Variants in PPP1R9A observed in about 807,000 individuals in gnomAD.
The protein encoded by PPP1R9A is neurabin-1.
PPP1R9A carries 59 observed loss-of-function variants against 141.9 expected under a neutral mutation model. The ratio of observed to expected loss-of-function variants is 0.42; its 90% CI spans 0.34 to 0.52. The LOEUF is 0.52. Ranked by LOEUF, PPP1R9A falls within the 20% of genes least tolerant of loss-of-function variation. The pLI, the probability that PPP1R9A is intolerant of heterozygous loss-of-function variation, is 0.10. For missense variants in PPP1R9A, 1,444 were observed against 1,611.9 expected, an observed-to-expected ratio of 0.90 and a Z score of 1.78; for synonymous variants, 500 against 569.7, an observed-to-expected ratio of 0.88 and a Z score of 1.74.
chr7:94,935,579 C>A (rs1309263845), intron 2 of PPP1R9A, among the ~76,000 whole-genome samples: 2 of 152,176 alleles, frequency 1.3e-5, no homozygotes, highest in African/African-American at 4.8e-5. Context: ...GCTTCTGGAA[C>A]ACAGTTGGAT....
At chr7:95,254,594 G>A (rs1008769278) in intron 12 of PPP1R9A, among the ~76,000 whole-genome samples, 2 of 152,174 alleles carry the variant, frequency 1.3e-5, no homozygotes, top group African/African-American at 4.8e-5. Context: ...AGGCACTGGA[G>A]TGGTAGGATG....
chr7:95,259,704 G>A (rs1800138334), intron 12 of PPP1R9A, among the ~76,000 whole-genome samples: 1 of 151,990 alleles, frequency 6.6e-6, no homozygotes, highest in Admixed American at 6.6e-5. Flanking sequence ...TTTAAAATAA[G>A]GTTAAAGGCA....
At chr7:95,068,057 AAAAC>A (rs1311662868) in intron 2 of PPP1R9A, among the ~76,000 whole-genome samples, 2 of 152,214 alleles carry the variant, frequency 1.3e-5, no homozygotes, top group South Asian at 2.1e-4. Context: ...TAAAGGAACA[AAAAC>A]AAACAACCAA....
At chr7:95,207,754 AATAAT>A (rs1791155498) in intron 7 of PPP1R9A, among the ~76,000 whole-genome samples, 1 of 152,184 alleles carries the variant, frequency 6.6e-6, no homozygotes, top group Admixed American at 6.5e-5. Context: ...AGTTATTAGA[AATAAT>A]ATAAAGTTAT....
chr7:95,157,389 C>T (rs1026396149), intron 4 of PPP1R9A, among the ~76,000 whole-genome samples: 1 of 152,172 alleles, frequency 6.6e-6, no homozygotes, highest in Non-Finnish European at 1.5e-5. Flanking sequence ...AGCTCGGGCA[C>T]CTGCAGCCCT....
intron 5 of PPP1R9A, among the ~76,000 whole-genome samples, chr7:95,173,589 AAAAC>A (rs1449945033): frequency 6.6e-6 from 1 of 152,094 alleles, no homozygotes; most frequent in East Asian, 1.9e-4. Context: ...AGAAAATGGA[AAAAC>A]AAGCCACAGA....
chr7:95,043,194 C>T (rs1809508776), intron 2 of PPP1R9A, among the ~76,000 whole-genome samples: 1 of 152,038 alleles, frequency 6.6e-6, no homozygotes, highest in African/African-American at 2.4e-5. Flanking sequence ...ACTTAAATTC[C>T]CCTTGAGTTT....
At chr7:95,072,459 A>C (rs1412675865) in intron 2 of PPP1R9A, among the ~76,000 whole-genome samples, 1 of 143,682 alleles carries the variant, frequency 7.0e-6, no homozygotes, top group African/African-American at 2.5e-5. Flanking sequence ...TTGTGACTAT[A>C]CACTAAAGAT....
At chr7:95,216,745 C>G (rs1307777962) in intron 7 of PPP1R9A, among the ~76,000 whole-genome samples, 18 of 152,124 alleles carry the variant, frequency 1.2e-4, no homozygotes, top group Admixed American at 1.2e-3. Flanking sequence ...AAAGGGAGTT[C>G]ACTCATGATT....
At chr7:95,133,184 T>C (rs1824970057) in intron 4 of PPP1R9A, among the ~76,000 whole-genome samples, 2 of 152,022 alleles carry the variant, frequency 1.3e-5, no homozygotes, top group Admixed American at 1.3e-4. Flanking sequence ...TGCTGATTGG[T>C]CCATGGGCCT....
chr7:95,224,843 G>C (rs762390649), intron 7 of PPP1R9A, among the ~76,000 whole-genome samples: 36 of 152,082 alleles, frequency 2.4e-4, no homozygotes, highest in Non-Finnish European at 5.1e-4. Context: ...ACCGTTCATG[G>C]AAGTTTTTTA....
At chr7:95,257,184 A>T (rs563263873) in intron 12 of PPP1R9A, among the ~76,000 whole-genome samples, 1 of 152,306 alleles carries the variant, frequency 6.6e-6, no homozygotes, top group African/African-American at 2.4e-5. Flanking sequence ...GTTCTTCTAG[A>T]TACTGAGATT....
At chr7:95,231,658 C>A (rs1324273968) in intron 8 of PPP1R9A, among the ~76,000 whole-genome samples, 1 of 151,790 alleles carries the variant, frequency 6.6e-6, no homozygotes, top group Admixed American at 6.6e-5. Context: ...GTTGGGTCAA[C>A]AATCAAGATG....
intron 4 of PPP1R9A, among the ~76,000 whole-genome samples, chr7:95,127,046 T>G (rs966174660): frequency 1.3e-5 from 2 of 152,122 alleles, no homozygotes; most frequent in African/African-American, 4.8e-5. Context: ...TATCTCCACC[T>G]TAATCATCAC....
At chr7:94,993,095 TTTTC>T (rs1801722559) in intron 2 of PPP1R9A, among the ~76,000 whole-genome samples, 2 of 152,112 alleles carry the variant, frequency 1.3e-5, no homozygotes, top group South Asian at 4.1e-4. Flanking sequence ...ATGGTTTTTT[TTTTC>T]TTTTTTGCAT....
rs148618086 is a variant in PPP1R9A, at chr7:95,065,535, C to A, written c.1396-45724C>A. ...AGGAATTTTCAAGATTGTTAGGTAC[C>A]TGCCTGTTTTCAGGGGCTTTGATGA... On this transcript the variant is annotated intron_variant, in intron 2 of 19. Coordinates refer to ENST00000433360, the MANE Select transcript of PPP1R9A (RefSeq NM_001166160.2). 1.2e-4 allele frequency among the ~76,000 whole-genome samples: 18 copies of A among 152,168 alleles called. No individual in the cohort carries two copies. The East Asian group carries it at 2.7e-3, about 23-fold the overall frequency.
intron 5 of PPP1R9A, among the ~76,000 whole-genome samples, chr7:95,189,430 A>ATCCTT (rs1835135863): frequency 7.9e-6 from 1 of 126,944 alleles, no homozygotes; most frequent in African/African-American, 3.2e-5. Context: ...GGGTTTGTTT[A>ATCCTT]TTCTTTTTTT....
At chr7:94,924,781 C>T (rs1053467258) in intron 2 of PPP1R9A, among the ~76,000 whole-genome samples, 17 of 152,060 alleles carry the variant, frequency 1.1e-4, no homozygotes, top group Admixed American at 9.2e-4. Context: ...CTACCCACCT[C>T]GGCCTCCCAA....
chr7:95,249,948 A>T, intron 9 of PPP1R9A, 78 bp from the exon 10 acceptor site: 1 of 1,467,508 alleles, frequency 6.8e-7, no homozygotes, highest in Non-Finnish European at 9.0e-7. Flanking sequence ...AACTTGATCT[A>T]CAACATGCTA....
Sources: gnomAD v4.1 joint callset for allele counts (sites outside exome capture counted in the v4.1 genomes callset) on GRCh38, gnomAD v4.1.1 for gene constraint, MANE v1.5 for transcripts, NCBI Gene and HGNC (gene_info 2026-07-23, HGNC 2026-07-21) for gene names.